DOCK4: variants seen among roughly 807,000 people sequenced by gnomAD.
DOCK4 encodes dedicator of cytokinesis 4.
In DOCK4, 97 loss-of-function variants were observed where a neutral mutation model predicts 268.1. The observed-to-expected ratio is 0.36, with a 90% CI of 0.31 to 0.43. The LOEUF is 0.43. Ranked by LOEUF, DOCK4 falls within the 20% of genes least tolerant of loss-of-function variation. The pLI, the probability that DOCK4 is intolerant of heterozygous loss-of-function variation, is 1.00. For missense variants in DOCK4, 2,145 were observed against 2,455.7 expected, an observed-to-expected ratio of 0.87 and a Z score of 2.67; for synonymous variants, 954 against 887.2, an observed-to-expected ratio of 1.08 and a Z score of -1.34.
chr7:111,823,507 C>T (rs567449600), intron 26 of DOCK4, among the ~76,000 whole-genome samples: 38 of 152,168 alleles, frequency 2.5e-4, no homozygotes, highest in Non-Finnish European at 4.4e-4. Flanking sequence ...CAGGCCTGGC[C>T]GGTATATTGC....
At chr7:112,159,809 T>C (rs6466402) in intron 1 of DOCK4, among the ~76,000 whole-genome samples, 15,235 of 145,814 alleles carry the variant, frequency 0.1, 1,501 homozygotes, top group African/African-American at 0.28. Context: ...TATACTTATG[T>C]ATAATAATAC....
intron 1 of DOCK4, among the ~76,000 whole-genome samples, chr7:112,026,367 G>C (rs1280303213): frequency 6.6e-6 from 1 of 152,198 alleles, no homozygotes; most frequent in Non-Finnish European, 1.5e-5. Flanking sequence ...AATGGCTGAT[G>C]ATCTGAGGTG....
chr7:112,015,040 G>C (rs542505973), intron 1 of DOCK4, among the ~76,000 whole-genome samples: 130 of 152,314 alleles, frequency 8.5e-4, no homozygotes, highest in African/African-American at 2.8e-3. Flanking sequence ...ATTCCCAGGA[G>C]GTTGGGCATT....
chr7:111,791,097 TATAA>T (rs1554593950), intron 30 of DOCK4, among the ~76,000 whole-genome samples: 2 of 141,366 alleles, frequency 1.4e-5, no homozygotes, highest in Admixed American at 7.0e-5. Flanking sequence ...TATATATATA[TATAA>T]AATAAATCAT....
intron 1 of DOCK4, among the ~76,000 whole-genome samples, chr7:112,056,176 G>A (rs1188552555): frequency 6.6e-6 from 1 of 152,070 alleles, no homozygotes; most frequent in Non-Finnish European, 1.5e-5. Context: ...TTCAAGAAGA[G>A]CAGCTCAGCT....
Position 111,872,352 on chromosome 7 carries a change from AC to A in DOCK4, c.1843-1del. 1 of 1,547,774 alleles carries A rather than the reference AC, an allele frequency of 6.5e-7. No individual in the cohort carries two copies. The highest frequency in any genetic ancestry group is 8.7e-7 in the Non-Finnish European group (1 of 1,146,740). ...AAGGTATCCAGTGTATCCTGCAGAA[AC>A]TGTTAGATAAAGAAGTAGCAAATGA... On this transcript the variant is annotated splice_acceptor_variant, in intron 18 of 52. Coordinates refer to ENST00000428084, the MANE Select transcript of DOCK4 (RefSeq NM_001363540.2). LOFTEE classifies it high-confidence loss of function.
intron 17 of DOCK4, among the ~76,000 whole-genome samples, chr7:111,876,187 A>C (rs1806855559): frequency 6.6e-6 from 1 of 152,194 alleles, no homozygotes; most frequent in Admixed American, 6.5e-5. Flanking sequence ...AACATATCTT[A>C]ACTTGGTGTC....
intron 13 of DOCK4, among the ~76,000 whole-genome samples, chr7:111,905,148 C>T (rs1350762705): frequency 6.6e-6 from 1 of 152,152 alleles, no homozygotes; most frequent in African/African-American, 2.4e-5. Flanking sequence ...CAAGTTGAAA[C>T]AAGTGCTAAT....
intron 1 of DOCK4, among the ~76,000 whole-genome samples, chr7:112,168,228 T>C (rs772865269): frequency 1.3e-5 from 2 of 152,240 alleles, no homozygotes; most frequent in Non-Finnish European, 2.9e-5. Flanking sequence ...TTCTTCAAAA[T>C]GTTGCATGAT....
chr7:111,927,601 T>C (rs1352058813), intron 12 of DOCK4, among the ~76,000 whole-genome samples: 1 of 152,214 alleles, frequency 6.6e-6, no homozygotes, highest in Admixed American at 6.5e-5. Context: ...AACATTTCAA[T>C]AGCATATACT....
chr7:112,063,164 C>T (rs190681228), intron 1 of DOCK4, among the ~76,000 whole-genome samples: 10 of 152,288 alleles, frequency 6.6e-5, no homozygotes, highest in Admixed American at 5.9e-4. Flanking sequence ...CAATATCTTG[C>T]TTTCTCTTTG....
At chr7:112,111,602 G>T (rs965018145) in intron 1 of DOCK4, among the ~76,000 whole-genome samples, 1 of 151,850 alleles carries the variant, frequency 6.6e-6, no homozygotes, top group Non-Finnish European at 1.5e-5. Flanking sequence ...ATGTTCATGA[G>T]CTCTAATTCA....
At chr7:112,176,590 G>T (rs1392973316) in intron 1 of DOCK4, among the ~76,000 whole-genome samples, 6 of 152,036 alleles carry the variant, frequency 3.9e-5, no homozygotes, top group Non-Finnish European at 8.8e-5. Flanking sequence ...GCTTCTTCAG[G>T]ATCAAAACAG....
At chr7:111,842,384 G>A (rs558003162) in intron 25 of DOCK4, among the ~76,000 whole-genome samples, 6 of 152,348 alleles carry the variant, frequency 3.9e-5, no homozygotes, top group African/African-American at 1.4e-4. Flanking sequence ...TCCAGCCAAA[G>A]GACTAGGAAA....
chr7:112,066,326 AGCCTGAGCCTTCCTGGTTCT>A (rs1806927463), intron 1 of DOCK4, among the ~76,000 whole-genome samples: 1 of 151,970 alleles, frequency 6.6e-6, no homozygotes, highest in African/African-American at 2.4e-5. Flanking sequence ...TCAGGCCTTC[AGCCTGAGCCTTCCTGGTTCT>A]GAGGCCTTTA....
chr7:111,742,733 C>A (rs1796002934), intron 44 of DOCK4, among the ~76,000 whole-genome samples: 1 of 152,180 alleles, frequency 6.6e-6, no homozygotes, highest in Non-Finnish European at 1.5e-5. Context: ...GTGGCTCACG[C>A]CTGTAATCCC....
At chr7:112,190,749 C>T (rs1229473521) in intron 1 of DOCK4, among the ~76,000 whole-genome samples, 2 of 152,110 alleles carry the variant, frequency 1.3e-5, no homozygotes, top group Non-Finnish European at 1.5e-5. Flanking sequence ...AAAAAGGTCA[C>T]TTGTGGCTTA....
chr7:112,068,429 C>T (rs1470461009), intron 1 of DOCK4, among the ~76,000 whole-genome samples: 2 of 152,106 alleles, frequency 1.3e-5, no homozygotes, highest in Non-Finnish European at 2.9e-5. Context: ...ATCCCTTCTA[C>T]GTATGTGAAT....
chr7:111,805,862 C>G (rs1019876861), intron 30 of DOCK4, among the ~76,000 whole-genome samples: 2 of 152,162 alleles, frequency 1.3e-5, no homozygotes, highest in Admixed American at 6.6e-5. Flanking sequence ...CTCCCTTCAT[C>G]TTATTTTCTA....
Sources: gnomAD v4.1 joint callset for allele counts (sites outside exome capture counted in the v4.1 genomes callset) on GRCh38, gnomAD v4.1.1 for gene constraint, MANE v1.5 for transcripts, NCBI Gene and HGNC (gene_info 2026-07-23, HGNC 2026-07-21) for gene names.